ANKRD36C: variants seen among roughly 807,000 people sequenced by gnomAD.
ANKRD36C encodes ankyrin repeat domain-containing protein 36C.
In ANKRD36C, 61 loss-of-function variants were observed where a neutral mutation model predicts 276.4. The ratio of observed to expected loss-of-function variants is 0.22; its 90% CI spans 0.18 to 0.27. The LOEUF is 0.27. Ranked by LOEUF, ANKRD36C falls within the 10% of genes least tolerant of loss-of-function variation. The pLI, the probability that ANKRD36C is intolerant of heterozygous loss-of-function variation, is 1.00. For missense variants in ANKRD36C, 1,447 were observed against 2,032.3 expected, an observed-to-expected ratio of 0.71 and a Z score of 5.54; for synonymous variants, 483 against 680.1, an observed-to-expected ratio of 0.71 and a Z score of 4.51.
At chr2:95,977,566 G>A (rs1203973027) in intron 6 of ANKRD36C, among the ~76,000 whole-genome samples, 2 of 151,872 alleles carry the variant, frequency 1.3e-5, no homozygotes, top group Non-Finnish European at 2.9e-5. Flanking sequence ...TTCAAGCATC[G>A]AACTACAAGC....
At chr2:95,925,410 C>A in exon 30 of ANKRD36C, 1 of 1,558,190 alleles carries the variant, frequency 6.4e-7, no homozygotes, top group South Asian at 1.2e-5. Flanking sequence ...GAGAAACTTT[C>A]TTTTTAAATA....
intron 42 of ANKRD36C, among the ~76,000 whole-genome samples, chr2:95,911,313 C>G (rs1248197975): frequency 1.3e-5 from 2 of 151,424 alleles, no homozygotes; most frequent in Non-Finnish European, 3.0e-5. Context: ...ATGCTACAAG[C>G]ATTAGATATT....
At chr2:95,879,469 A>G (rs1009450754) in intron 58 of ANKRD36C, among the ~76,000 whole-genome samples, 1 of 150,922 alleles carries the variant, frequency 6.6e-6, no homozygotes, top group African/African-American at 2.4e-5. Context: ...CAGCACAAAG[A>G]AATGGTTAAC....
intron 38 of ANKRD36C, 37 bp from the exon 41 acceptor site, chr2:95,914,340 A>T (rs748227295): frequency 1.3e-6 from 2 of 1,543,006 alleles, no homozygotes; most frequent in African/African-American, 2.8e-5. Context: ...ACTCATATGT[A>T]AAAATGACAA....
intron 28 of ANKRD36C, among the ~76,000 whole-genome samples, 164 bp from the exon 29 acceptor site, chr2:95,925,711 G>A (rs189441273): frequency 4.0e-4 from 61 of 151,566 alleles, no homozygotes; most frequent in Non-Finnish European, 7.2e-4. Flanking sequence ...GGAAATATGC[G>A]AAGAAAATAG....
chr2:95,851,473 CT>C (rs1158254530), intron 66 of ANKRD36C, among the ~76,000 whole-genome samples: 1 of 152,146 alleles, frequency 6.6e-6, no homozygotes, highest in Non-Finnish European at 1.5e-5. Flanking sequence ...AGAGAATTAC[CT>C]TCAGGCTATG....
intron 16 of ANKRD36C, among the ~76,000 whole-genome samples, chr2:95,950,065 G>A (rs1678158711): frequency 6.6e-6 from 1 of 152,180 alleles, no homozygotes; most frequent in Non-Finnish European, 1.5e-5. Context: ...TAACTGGTTA[G>A]GCAGTAAGTG....
At chr2:95,966,917 T>C (rs1220404931) in intron 6 of ANKRD36C, among the ~76,000 whole-genome samples, 2 of 152,170 alleles carry the variant, frequency 1.3e-5, no homozygotes, top group East Asian at 3.9e-4. Flanking sequence ...TTATTCTCTT[T>C]GTAGGAATTG....
At chr2:95,912,179 T>G (rs1676948600) in intron 42 of ANKRD36C, 65 bp downstream of exon 44, 1 of 1,533,256 alleles carries the variant, frequency 6.5e-7, no homozygotes, top group South Asian at 1.2e-5. Context: ...CCCCACTGAT[T>G]TATTCGGGGA....
intron 60 of ANKRD36C, 91 bp downstream of exon 80, chr2:95,867,349 A>G (rs898018279): frequency 4.2e-5 from 25 of 594,776 alleles, no homozygotes; most frequent in African/African-American, 1.9e-4. Flanking sequence ...TTCTTGTAAC[A>G]TATCAGTACT....
intron 44 of ANKRD36C, 44 bp from the exon 63 acceptor site, chr2:95,893,768 A>T (rs1227587782): frequency 1.0e-5 from 16 of 1,603,016 alleles, no homozygotes; most frequent in Non-Finnish European, 1.4e-5. Flanking sequence ...TGTAAATATG[A>T]CAAAGATATC....
intron 34 of ANKRD36C, among the ~76,000 whole-genome samples, chr2:95,920,608 T>G (rs377293068): frequency 7.5e-6 from 1 of 132,872 alleles, no homozygotes; most frequent in South Asian, 2.3e-4. Flanking sequence ...TTAGCCTCAA[T>G]AAAAATATCA....
intron 48 of ANKRD36C, among the ~76,000 whole-genome samples, chr2:95,889,455 C>T (rs542303874): frequency 6.6e-6 from 1 of 151,608 alleles, no homozygotes; most frequent in African/African-American, 2.4e-5. Context: ...AATCTGACGC[C>T]TCTAATATCT....
At position 95,880,388 on chromosome 2, in the gene ANKRD36C, T is replaced by C. The variant is rs1676049559; in HGVS notation, c.3469+39A>G. On this transcript the variant is annotated intron_variant, in intron 58 of 66. Transcript: ENST00000456556. ...TATGAGCATTACAAACAGATTAATG[T>C]ACTTCTTTCCAGAGTTAAATCTACA... The C allele has an allele frequency of 3.5e-6, 5 of 1,434,582 alleles. No individual in the cohort carries two copies. The South Asian group carries it at 6.3e-5, about 18-fold the overall frequency. 88.9% of individuals were successfully genotyped at this position (1,434,582 alleles called of 1,614,324 possible).
intron 36 of ANKRD36C, 138 bp from the exon 39 acceptor site, chr2:95,916,309 G>A: frequency 1.4e-6 from 2 of 1,458,100 alleles, no homozygotes; most frequent in Non-Finnish European, 1.9e-6. Flanking sequence ...TTTGTGTCTG[G>A]GGACTAGAAC....
At position 95,964,002 on chromosome 2, in the gene ANKRD36C, TA is replaced by T. The variant is rs1488720661; in HGVS notation, c.800-1456del. Among the ~76,000 whole-genome samples, 8 of 20,238 alleles carry T rather than the reference TA, an allele frequency of 4.0e-4. 1 individual carries two copies. The highest frequency in any genetic ancestry group is 1.9e-3 in the African/African-American group (8 of 4,166). 13.3% of individuals were successfully genotyped at this position (20,238 alleles called of 152,430 possible). On this transcript the variant is annotated intron_variant, in intron 6 of 66. Coordinates refer to ENST00000456556, the Ensembl canonical transcript of ANKRD36C. Reference sequence around the variant, plus strand: ...ATATATATATATATATATATATATATATATATATATATGTGTGTGTGTGTCA... The same window carrying T: ...ATATATATATATATATATATATATATTATATATATATGTGTGTGTGTGTCA...
intron 5 of ANKRD36C, among the ~76,000 whole-genome samples, chr2:95,980,313 T>A (rs1678891380): frequency 6.6e-6 from 1 of 152,030 alleles, no homozygotes; most frequent in Admixed American, 6.6e-5. Flanking sequence ...GAGACCCAAA[T>A]AACTAATTAG....
intron 42 of ANKRD36C, 148 bp downstream of exon 44, chr2:95,912,096 G>T: frequency 4.2e-6 from 5 of 1,184,472 alleles, no homozygotes; most frequent in Middle Eastern, 2.9e-4. Flanking sequence ...AGCAGCATCA[G>T]CATAACCCAA....
At chr2:95,894,306 C>G (rs1004008635) in intron 44 of ANKRD36C, 13 of 154,304 alleles carry the variant, frequency 8.4e-5, no homozygotes, top group Admixed American at 3.8e-4. Context: ...TCTCTCACAC[C>G]CATGTGGTAT....
Sources: gnomAD v4.1 joint callset for allele counts (sites outside exome capture counted in the v4.1 genomes callset) on GRCh38, gnomAD v4.1.1 for gene constraint, MANE v1.5 for transcripts, NCBI Gene and HGNC (gene_info 2026-07-23, HGNC 2026-07-21) for gene names.